Variants in AJUBA observed in about 807,000 individuals in gnomAD.
AJUBA encodes the protein ajuba LIM protein.
Under a neutral mutation model 53.3 loss-of-function variants are expected in AJUBA, and 20 were observed. That is an observed-to-expected ratio of 0.38 (90% CI 0.26 to 0.55). The LOEUF (loss-of-function observed/expected upper bound fraction) is 0.55, where lower values mean the gene tolerates loss of function less well. Ranked by LOEUF, AJUBA falls within the 20% of genes least tolerant of loss-of-function variation. AJUBA has a pLI of 0.80. For missense variants in AJUBA, 580 were observed against 730.5 expected (o/e 0.79, Z 2.38); for synonymous variants, 296 against 306.2 (o/e 0.97, Z 0.35).
At chr14:22,973,660 A>G in intron 7 of AJUBA, 92 bp from the exon 8 acceptor site, 3 of 1,521,638 alleles carry the variant, frequency 2.0e-6, no homozygotes, top group Non-Finnish European at 2.7e-6. Flanking sequence ...CCTGACTCCT[A>G]ATAACTGGAA....
At chr14:22,978,722 A>C in intron 1 of AJUBA, 1 of 1,241,480 alleles carries the variant, frequency 8.1e-7, no homozygotes, top group Non-Finnish European at 1.0e-6. Context: ...AGTCGAAGAT[A>C]TGGTCCCTGG....
intron 6 of AJUBA, chr14:22,974,567 T>G (rs1214245593): frequency 2.1e-6 from 1 of 486,574 alleles, no homozygotes; most frequent in Non-Finnish European, 3.7e-6. Flanking sequence ...CCCCTACATC[T>G]GCAGTCTGGT....
chr14:22,971,492 A>G lies in AJUBA; in HGVS notation c.*1951T>C. 6.6e-6 allele frequency: 1 copy of G among 152,238 alleles called. No individual in the cohort carries two copies. Among genetic ancestry groups the G allele is most frequent in the Non-Finnish European group, 1.5e-5 (1 of 68,044 alleles). 9.4% of individuals were successfully genotyped at this position (152,238 alleles called of 1,614,324 possible). A position where few individuals can be genotyped will look rare whatever the true frequency, so the allele number is the denominator to read the frequency against. On this transcript the variant is annotated 3_prime_UTR_variant, in exon 8 of 8. Coordinates refer to ENST00000262713, the MANE Select transcript of AJUBA (RefSeq NM_032876.6). ...AGAAAATGAAGACTAAAGATCAAAG[A>G]TTACTAAATTAATTTGCCTAAAACC... is the stretch of plus-strand genomic sequence containing the variant.
chr14:22,975,263 G>A (rs1478632586), intron 4 of AJUBA, 159 bp from the exon 5 acceptor site: 49 of 1,033,440 alleles, frequency 4.7e-5, no homozygotes, highest in Non-Finnish European at 6.1e-5. Flanking sequence ...AAATGGAGGC[G>A]GAGACCCTGA....
chr14:22,981,037 C>T (rs2045085294), intron 1 of AJUBA, among the ~76,000 whole-genome samples: 1 of 152,110 alleles, frequency 6.6e-6, no homozygotes, highest in African/African-American at 2.4e-5. Flanking sequence ...CACGAGATAC[C>T]AGGGGGGTTG....
intron 1 of AJUBA, 66 bp from the exon 2 acceptor site, chr14:22,978,511 G>GA: frequency 6.4e-6 from 10 of 1,573,236 alleles, no homozygotes; most frequent in Non-Finnish European, 8.7e-6. Flanking sequence ...AAGCTTTCCT[G>GA]ACTGCCCTTT....
Position 22,979,969 on chromosome 14 carries a change from C to G in AJUBA, c.1006+1292G>C, listed in dbSNP as rs1466427266. Among the ~76,000 whole-genome samples the G allele has an allele frequency of 6.6e-6, 1 of 151,636 alleles. No homozygotes were observed. The highest frequency in any genetic ancestry group is 1.9e-4 in the East Asian group (1 of 5,142). On this transcript the variant is annotated intron_variant, in intron 1 of 7. Coordinates refer to ENST00000262713, the MANE Select transcript of AJUBA (RefSeq NM_032876.6). This position sits in a 1 kb window ranked among gnomAD's most constrained non-coding sequence, Gnocchi z 4.0. ...GGCATCATCTCCTCTGGGCTTTCCTCTCGGTGGATTTGGAGGTGGGGAAAA... is the reference window on the plus strand; with the variant it reads ...GGCATCATCTCCTCTGGGCTTTCCTGTCGGTGGATTTGGAGGTGGGGAAAA...
Position 22,981,937 on chromosome 14 carries a change from C to A in AJUBA, c.330G>T (p.Arg110=), listed in dbSNP as rs1451406736. The A allele has an allele frequency of 2.4e-5, 38 of 1,563,192 alleles. No homozygotes were observed. Among genetic ancestry groups the A allele is most frequent in the Non-Finnish European group, 3.2e-5 (37 of 1,159,972 alleles). The stretch of plus-strand genomic sequence containing the variant: ...TGAGGGCCGGGGCCGTGGGCTCCAG[C>A]CGAAAATCGGGGGGCAACGACTGAG... The part of the protein sequence containing the change: ...PLPQSLPPDF[R]LEPTAPALSP... Residue 110 remains arginine (R), a synonymous_variant, in exon 1 of 8, where the codon CGG becomes CGT. Transcript: ENST00000262713.
At chr14:22,977,931 C>T (rs527915152) in intron 2 of AJUBA, among the ~76,000 whole-genome samples, 1,619 of 151,756 alleles carry the variant, frequency 0.011, 35 homozygotes, top group African/African-American at 0.038. Context: ...CCCCCCTCTC[C>T]GCCCCAAACA....
chr14:22,975,177 T>C (rs1428447388), intron 4 of AJUBA, 73 bp from the exon 5 acceptor site: 2 of 1,558,240 alleles, frequency 1.3e-6, no homozygotes, highest in Non-Finnish European at 1.7e-6. Flanking sequence ...ATGCTCCTTA[T>C]TACTCCCATT....
At position 22,981,875 on chromosome 14, in the gene AJUBA, T is replaced by C; in HGVS notation, c.392A>G (p.Asp131Gly). 6.5e-7 allele frequency: 1 copy of C among 1,536,790 alleles called. No homozygotes were observed. Among genetic ancestry groups the C allele is most frequent in the Non-Finnish European group, 8.7e-7 (1 of 1,147,054 alleles). Reference sequence around the variant, plus strand: ...CCGGGGGCTGGACGGCTTGCTCGCGTCGCTGGCCGAGCTACTGGCGAAGCT... The same window carrying C: ...CCGGGGGCTGGACGGCTTGCTCGCGCCGCTGGCCGAGCTACTGGCGAAGCT... ...RSSFASSSAS[D>G]ASKPSSPRGS... The change falls in exon 1 of 8, where the codon GAC (aspartate) becomes GGC (glycine). Residue 131 changes from aspartate to glycine, a missense_variant. Asp to Gly is a moderately conservative substitution (Grantham distance 94). Transcript: ENST00000262713.
At chr14:22,974,692 C>T (rs377706141) in intron 6 of AJUBA, 147 bp downstream of exon 6, 1 of 924,792 alleles carries the variant, frequency 1.1e-6, no homozygotes, top group Middle Eastern at 3.4e-4. Context: ...AGGGTGGTGA[C>T]CCCAAGAGGC....
chr14:22,979,016 G>T lies in AJUBA; in HGVS notation c.1007-571C>A. On this transcript the variant is annotated intron_variant, in intron 1 of 7. Transcript: ENST00000262713. The surrounding 1 kb of genome is among the most constrained non-coding windows in gnomAD (Gnocchi z 4.0). ...GCTTGGCAGAGGGCTCCGTGCAGAGGGGACCATGTGAGCATGATTCCTGTG... is the reference window on the plus strand; with the variant it reads ...GCTTGGCAGAGGGCTCCGTGCAGAGTGGACCATGTGAGCATGATTCCTGTG... 1 of 1,289,154 alleles carries T rather than the reference G, an allele frequency of 7.8e-7. No individual in the cohort carries two copies. Among genetic ancestry groups the T allele is most frequent in the Non-Finnish European group, 1.0e-6 (1 of 988,698 alleles). The allele number at this position is 1,289,154 out of a possible 1,614,324, so 79.9% of individuals were successfully genotyped here.
rs192294093 is a variant in AJUBA, at chr14:22,976,390, A to T, written c.1239+66T>A. The T allele has an allele frequency of 1.2e-3, 1,760 of 1,500,888 alleles. 31 individuals carry two copies. In the Admixed American group the frequency reaches 0.028, roughly 24 times the overall value. The allele number at this position is 1,500,888 out of a possible 1,614,324, so 93.0% of individuals were successfully genotyped here. A position where few individuals can be genotyped will look rare whatever the true frequency, so the allele number is the denominator to read the frequency against. On this transcript the variant is annotated intron_variant, in intron 4 of 7. Coordinates refer to ENST00000262713, the MANE Select transcript of AJUBA (RefSeq NM_032876.6). ...TTTCCCCAACCTTCTCTCAATATCC[A>T]TTTAGTCCCTGATCCCGCTCCTCAG...
At chr14:22,974,174 C>T in intron 6 of AJUBA, 59 bp from the exon 7 acceptor site, 5 of 1,571,332 alleles carry the variant, frequency 3.2e-6, no homozygotes, top group Non-Finnish European at 4.4e-6. Flanking sequence ...CTCCACCTTT[C>T]CCTCATATAC....
At position 22,976,676 on chromosome 14, in the gene AJUBA, T is replaced by C. The variant is rs756119022; in HGVS notation, c.1145A>G (p.Asn382Ser). 6 of 1,613,920 alleles carry C rather than the reference T, an allele frequency of 3.7e-6. No homozygotes were observed. The highest frequency in any genetic ancestry group is 2.2e-5 in the East Asian group (1 of 44,882). ...TLRCKAFYSV[N>S]GSVYCEEDYL... ...ATCTTCCTCACAGTACACAGAGCCA[T>C]TGACACTGTAGAAAGCCTTGCAACG... is the stretch of plus-strand genomic sequence containing the variant. The change falls in exon 3 of 8, where the codon AAT (asparagine) becomes AGT (serine). Residue 382 changes from asparagine to serine, a missense_variant. Asn to Ser is a conservative substitution (Grantham distance 46). Coordinates refer to ENST00000262713, the MANE Select transcript of AJUBA (RefSeq NM_032876.6).
At chr14:22,973,981 G>C in intron 7 of AJUBA, 66 bp downstream of exon 7, 2 of 1,578,010 alleles carry the variant, frequency 1.3e-6, no homozygotes, top group Middle Eastern at 1.7e-4. Context: ...GGTTGTTGCA[G>C]GACTTGACTC....
rs141770329 is a variant in AJUBA at position 22,975,092 on chromosome 14, T to C, written c.1252A>G (p.Met418Val). 2,460 of 1,612,430 alleles carry C rather than the reference T, an allele frequency of 1.5e-3. 3 individuals are homozygous for C. Among genetic ancestry groups the C allele is most frequent in the Non-Finnish European group, 1.9e-3 (2,182 of 1,179,236 alleles). ...HLILEKILQA[M>V]GKSYHPGCFR... ...CAGCCTGGATGATAGGACTTCCCCA[T>C]TGCTTGTAGGATCTGGCTCATGGGG... is the stretch of plus-strand genomic sequence containing the variant. The change falls in exon 5 of 8, where the codon ATG (methionine) becomes GTG (valine). Residue 418 changes from methionine to valine, a missense_variant. This residue lies in a region of AJUBA where 150 missense variants were observed against 259.0 expected (regional missense o/e 0.58). Coordinates refer to ENST00000262713, the MANE Select transcript of AJUBA (RefSeq NM_032876.6).
chr14:22,974,040 C>T lies in AJUBA; in HGVS notation c.1491+7G>A, dbSNP rs896599074. ...CTTCTCCAGCACCGCTGAACCCCAA[C>T]ACTCACCTCACAGTGGTAGCACTCA... On this transcript the variant is annotated splice_region_variant and intron_variant, in intron 7 of 7. Transcript: ENST00000262713. The T allele has an allele frequency of 1.2e-6, 2 of 1,614,158 alleles. No individual in the cohort carries two copies. The highest frequency in any genetic ancestry group is 1.7e-6 in the Non-Finnish European group (2 of 1,180,014).
Sources: allele counts gnomAD v4.1 joint callset (sites outside exome capture counted in the v4.1 genomes callset), GRCh38; gene constraint gnomAD v4.1.1; regional missense constraint gnomAD v4.1.1; non-coding constraint Gnocchi (gnomAD v3.1); transcripts MANE v1.5; gene names NCBI Gene and HGNC (gene_info 2026-07-23, HGNC 2026-07-21).